Variants in TMEM65 observed in about 807,000 individuals in gnomAD.
The protein encoded by TMEM65 is transmembrane protein 65.
Under a neutral mutation model 25.4 loss-of-function variants are expected in TMEM65, and 22 were observed. The observed-to-expected ratio is 0.86, with a 90% confidence interval of 0.62 to 1.23. The LOEUF is 1.23. Ranked by LOEUF, TMEM65 falls within the 50% of genes most tolerant of loss-of-function variation. TMEM65 has a pLI of 0.00. For synonymous variants in TMEM65, 132 were observed against 126.2 expected, an observed-to-expected ratio of 1.05 and a Z score of -0.31; for missense variants, 262 against 308.2, an observed-to-expected ratio of 0.85 and a Z score of 1.12.
chr8:124,343,814 G>T (rs746677992), intron 1 of TMEM65, among the ~76,000 whole-genome samples: 29 of 152,256 alleles, frequency 1.9e-4, no homozygotes, highest in Admixed American at 4.6e-4. Context: ...TGATAATTAA[G>T]ATTTCATAAC....
chr8:124,310,323 T>C lies in TMEM65; in HGVS notation c.*3637A>G, dbSNP rs1814140730. 6.6e-6 allele frequency: 1 copy of C among 152,182 alleles called. No individual in the cohort carries two copies. The highest frequency in any genetic ancestry group is 6.5e-5 in the Admixed American group (1 of 15,282). 9.4% of individuals were successfully genotyped at this position (152,182 alleles called of 1,614,324 possible). On this transcript the variant is annotated 3_prime_UTR_variant, in exon 7 of 7. Transcript: ENST00000297632. ...CAAGATTTCTTAAATGAATCTTGGA[T>C]TGTAAGCACAATATTCTTAAATTAT...
rs543612687 is a variant in TMEM65, at chr8:124,311,514, A to G, written c.*2446T>C. 8 of 152,616 alleles carry G rather than the reference A, an allele frequency of 5.2e-5. No individual in the cohort carries two copies. Among genetic ancestry groups the G allele is most frequent in the Non-Finnish European group, 1.2e-4 (8 of 68,008 alleles). 9.5% of individuals were successfully genotyped at this position (152,616 alleles called of 1,614,324 possible). A position where few individuals can be genotyped will look rare whatever the true frequency, so the allele number is the denominator to read the frequency against. On this transcript the variant is annotated 3_prime_UTR_variant, in exon 7 of 7. Coordinates refer to ENST00000297632, the MANE Select transcript of TMEM65 (RefSeq NM_194291.3). Reference sequence around the variant, plus strand: ...CAAGTTAATAAATCATAATACATGGACAACACAAATTTAAACAAACAGGAC... The same window carrying G: ...CAAGTTAATAAATCATAATACATGGGCAACACAAATTTAAACAAACAGGAC...
At chr8:124,321,739 G>C (rs1256478940) in intron 5 of TMEM65, among the ~76,000 whole-genome samples, 1 of 151,980 alleles carries the variant, frequency 6.6e-6, no homozygotes, top group Non-Finnish European at 1.5e-5. Flanking sequence ...CTTACCCTTG[G>C]AGATGTCTAT....
At chr8:124,342,947 G>A (rs1229414764) in intron 1 of TMEM65, among the ~76,000 whole-genome samples, 1 of 152,080 alleles carries the variant, frequency 6.6e-6, no homozygotes, top group Non-Finnish European at 1.5e-5. Flanking sequence ...CTTTCTGATT[G>A]CACATAAGGC....
intron 1 of TMEM65, among the ~76,000 whole-genome samples, chr8:124,356,758 A>G (rs1814787543): frequency 2.0e-5 from 3 of 152,016 alleles, no homozygotes; most frequent in Non-Finnish European, 4.4e-5. Context: ...CACAGGCTGG[A>G]GTGTAATGGC....
rs869161640 is a variant in TMEM65, at chr8:124,363,836, C to CA, written c.304+8017dup. Among the ~76,000 whole-genome samples, 524 of 55,706 alleles carry CA rather than the reference C, an allele frequency of 9.4e-3. 87 individuals carry two copies. The highest frequency in any genetic ancestry group is 0.017 in the African/African-American group (219 of 12,606). The allele number at this position is 55,706 out of a possible 152,430, so 36.5% of individuals were successfully genotyped here. On this transcript the variant is annotated intron_variant, in intron 1 of 6. Coordinates refer to ENST00000297632, the MANE Select transcript of TMEM65 (RefSeq NM_194291.3). ...AGGGCGACAGAGCGAGACTCCGTCTCAAAAAAAAAAAAAAAAAAAAAAAAA... is the reference window on the plus strand; with the variant it reads ...AGGGCGACAGAGCGAGACTCCGTCTCAAAAAAAAAAAAAAAAAAAAAAAAAA...
In TMEM65 at chr8:124,363,697, C is replaced by T. The variant is rs536658406; in HGVS notation, c.304+8157G>A. 1.5e-3 allele frequency among the ~76,000 whole-genome samples: 228 copies of T among 151,610 alleles called. 1 individual carries two copies. The highest frequency in any genetic ancestry group is 5.4e-3 in the African/African-American group (222 of 41,368). On this transcript the variant is annotated intron_variant, in intron 1 of 6. Transcript: ENST00000297632. ...CTAAAAATACAAAAAATTAGCCGGG[C>T]GTAGTGGCGGGCGCCTGTAGTCCCA...
intron 1 of TMEM65, among the ~76,000 whole-genome samples, chr8:124,358,816 C>G (rs1268124200): frequency 6.6e-6 from 1 of 152,186 alleles, no homozygotes; most frequent in African/African-American, 2.4e-5. Flanking sequence ...AACAAGCGGC[C>G]AAGTGAGGTA....
rs556757086 is a variant in TMEM65, at chr8:124,345,021, G to A, written c.305-14229C>T. ...CTCAAAATTGAGAGACTGATCAAAAGGGGGAAATTGTTAAATTAAATTTGG... is the reference window on the plus strand; with the variant it reads ...CTCAAAATTGAGAGACTGATCAAAAAGGGGAAATTGTTAAATTAAATTTGG... On this transcript the variant is annotated intron_variant, in intron 1 of 6. Coordinates refer to ENST00000297632, the MANE Select transcript of TMEM65 (RefSeq NM_194291.3). Among the ~76,000 whole-genome samples, 12 of 152,254 alleles carry A rather than the reference G, an allele frequency of 7.9e-5. No homozygotes were observed. In the South Asian group the frequency reaches 2.3e-3, roughly 29 times the overall value.
chr8:124,355,248 A>G (rs1203764375), intron 1 of TMEM65, among the ~76,000 whole-genome samples: 1 of 151,358 alleles, frequency 6.6e-6, no homozygotes, highest in Non-Finnish European at 1.5e-5. Context: ...TTTGAGCAGA[A>G]AAAAAAAAAA....
chr8:124,363,609 G>A (rs939646238), intron 1 of TMEM65, among the ~76,000 whole-genome samples: 39 of 151,952 alleles, frequency 2.6e-4, no homozygotes, highest in African/African-American at 8.0e-4. Context: ...AGGCCGAGGC[G>A]GGCGGATCAC....
intron 1 of TMEM65, among the ~76,000 whole-genome samples, chr8:124,347,020 A>G (rs1814646958): frequency 6.6e-6 from 1 of 152,242 alleles, no homozygotes; most frequent in African/African-American, 2.4e-5. Context: ...TCAAATGCCA[A>G]AAAGTCTAAC....
rs1411553438 is a variant in TMEM65 at position 124,351,600 on chromosome 8, C to T, written c.304+20254G>A. 3.3e-5 allele frequency among the ~76,000 whole-genome samples: 5 copies of T among 152,158 alleles called. 1 individual carries two copies. The highest frequency in any genetic ancestry group is 7.2e-5 in the African/African-American group (3 of 41,436). On this transcript the variant is annotated intron_variant, in intron 1 of 6. Coordinates refer to ENST00000297632, the MANE Select transcript of TMEM65 (RefSeq NM_194291.3). ...CCTTGATAAATTGTCACACACTTTT[C>T]TAAATCTGGATGAGTTTATAACATT...
chr8:124,322,822 C>T (rs1055884989), intron 4 of TMEM65, among the ~76,000 whole-genome samples: 13 of 152,044 alleles, frequency 8.6e-5, no homozygotes, highest in African/African-American at 2.4e-4. Context: ...ATGGTGAAAC[C>T]CCGTCTCTAC....
intron 1 of TMEM65, among the ~76,000 whole-genome samples, chr8:124,336,281 C>T (rs983029873): frequency 2.6e-5 from 4 of 152,052 alleles, no homozygotes; most frequent in Middle Eastern, 3.4e-3. Flanking sequence ...GATATAAAAG[C>T]CTTTTTCTTA....
intron 1 of TMEM65, among the ~76,000 whole-genome samples, chr8:124,348,486 T>C (rs919364032): frequency 1.3e-5 from 2 of 152,028 alleles, no homozygotes; most frequent in Non-Finnish European, 2.9e-5. Flanking sequence ...ATAGTACAAC[T>C]TAAAAAAAAA....
intron 5 of TMEM65, among the ~76,000 whole-genome samples, chr8:124,321,592 A>T (rs534879245): frequency 1.2e-4 from 18 of 152,036 alleles, no homozygotes; most frequent in Non-Finnish European, 2.4e-4. Context: ...TTTGGCCATT[A>T]TTTCCTTTGA....
At chr8:124,350,899 G>A in intron 1 of TMEM65, 1 of 713,050 alleles carries the variant, frequency 1.4e-6, no homozygotes, top group Non-Finnish European at 1.7e-6. Context: ...TGAGCATGCA[G>A]TTATTGTTCC....
intron 1 of TMEM65, among the ~76,000 whole-genome samples, chr8:124,370,737 T>C (rs1394660641): frequency 1.3e-5 from 2 of 152,262 alleles, no homozygotes; most frequent in African/African-American, 4.8e-5. Flanking sequence ...CCTCCATTCC[T>C]GCACATCAGC....
Sources: allele counts gnomAD v4.1 joint callset (sites outside exome capture counted in the v4.1 genomes callset), GRCh38; gene constraint gnomAD v4.1.1; transcripts MANE v1.5; gene names NCBI Gene and HGNC (gene_info 2026-07-23, HGNC 2026-07-21).